The following MUC4 variants were observed in gnomAD, a reference collection of about 807,000 sequenced individuals.
The protein encoded by MUC4 is mucin 4, cell surface associated.
A neutral mutation model predicts 257.9 loss-of-function variants in MUC4; 202 were observed. The observed-to-expected ratio is 0.78, with a 90% confidence interval of 0.70 to 0.88. The LOEUF (loss-of-function observed/expected upper bound fraction) is 0.88, where lower values mean the gene tolerates loss of function less well. Among genes scored for constraint, MUC4 ranks in the 40% least tolerant of loss-of-function variants. The pLI is 0.00. For missense variants in MUC4, 5,976 were observed against 6,513.7 expected (o/e 0.92, Z 2.84); for synonymous variants, 2,351 against 2,757.1 (o/e 0.85, Z 4.62).
chr3:195,748,541 G>C (rs1437987691), intron 24 of MUC4, among the ~76,000 whole-genome samples: 1 of 152,264 alleles, frequency 6.6e-6, no homozygotes, highest in Non-Finnish European at 1.5e-5. Context: ...TCCAGCCTGG[G>C]CGACAAATGA....
At chr3:195,754,830 GTGTGTA>G (rs1717243508) in intron 18 of MUC4, among the ~76,000 whole-genome samples, 3 of 105,920 alleles carry the variant, frequency 2.8e-5, no homozygotes. Context: ...GTGTATCCAT[GTGTGTA>G]TGTATCATGT....
At position 195,755,534 on chromosome 3, in the gene MUC4, C is replaced by G. The variant is rs548513407; in HGVS notation, c.15169-1162G>C. The stretch of plus-strand genomic sequence containing the variant: ...CTCCCAAACCAAGAAGACAGAGCCT[C>G]CCTGCTGAGCACTGTGAGAAAACAC... On this transcript the variant is annotated intron_variant, in intron 18 of 24. Transcript: ENST00000463781. The surrounding 1 kb of genome is among the most constrained non-coding windows in gnomAD (Gnocchi z 5.0). 5.9e-5 allele frequency among the ~76,000 whole-genome samples: 9 copies of G among 152,232 alleles called. No homozygotes were observed. The East Asian group carries it at 1.5e-3, about 26-fold the overall frequency.
At chr3:195,762,741 A>G (rs1316561296) in intron 13 of MUC4, 114 bp downstream of exon 13, 45 of 900,944 alleles carry the variant, frequency 5.0e-5, no homozygotes, top group African/African-American at 4.4e-4. Flanking sequence ...GCCCTGCACC[A>G]CAACGCACCC....
At chr3:195,747,658 G>A (rs1427514838) in intron 24 of MUC4, among the ~76,000 whole-genome samples, 1 of 152,246 alleles carries the variant, frequency 6.6e-6, no homozygotes, top group African/African-American at 2.4e-5. Flanking sequence ...TGAGGTCAGG[G>A]GTTCGAGACC....
At chr3:195,767,604 CACCAT>C (rs1560262399) in intron 7 of MUC4, among the ~76,000 whole-genome samples, 1 of 92,316 alleles carries the variant, frequency 1.1e-5, no homozygotes, top group Admixed American at 1.0e-4. Context: ...CCACCATCAT[CACCAT>C]TGCCACCACC....
Position 195,791,296 on chromosome 3 carries a change from T to C in MUC4, c.284A>G (p.Gln95Arg), listed in dbSNP as rs893231903. ...AGAAAAAAGAGTTGATGTCATCATC[T>C]GCGTGAGGGTGTCGGTTTGAGCTTT... ...TSKAQTDTLT[Q>R]MMTSTLFSSP... The change falls in exon 2 of 25, where the codon CAG (glutamine) becomes CGG (arginine). Residue 95 changes from glutamine (Q) to arginine (R), a missense_variant. Transcript: ENST00000463781. 15 of 1,613,790 alleles carry C rather than the reference T, an allele frequency of 9.3e-6. 1 individual carries two copies. The Admixed American group carries it at 2.2e-4, about 23-fold the overall frequency.
At position 195,781,414 on chromosome 3, in the gene MUC4, T is replaced by A; in HGVS notation, c.10166A>T (p.Gln3389Leu). ...VTDISSASTG[Q>L]ATPLPVTNTS... ...GTTGGTGACAGGAAGAGGGGTGGCC[T>A]GACCTGTGGATGCCGAGGAAATGTC... Residue 3389 changes from glutamine to leucine, a missense_variant, in exon 2 of 25, where the codon CAG (glutamine) becomes CTG (leucine). Gln to Leu is a moderately radical substitution (Grantham distance 113). Coordinates refer to ENST00000463781, the MANE Select transcript of MUC4 (RefSeq NM_018406.7). 6.5e-7 allele frequency: 1 copy of A among 1,531,864 alleles called. No homozygotes were observed. The highest frequency in any genetic ancestry group is 1.2e-5 in the South Asian group (1 of 83,720). The allele number at this position is 1,531,864 out of a possible 1,614,324, so 94.9% of individuals were successfully genotyped here. A position where few individuals can be genotyped will look rare whatever the true frequency, so the allele number is the denominator to read the frequency against.
intron 7 of MUC4, among the ~76,000 whole-genome samples, chr3:195,767,634 C>T (rs1282516000): frequency 1.7e-5 from 2 of 120,968 alleles, no homozygotes; most frequent in Non-Finnish European, 3.3e-5. Flanking sequence ...CCACCATCAC[C>T]ACCACCATCG....
At chr3:195,768,882 G>T in intron 7 of MUC4, 140 bp downstream of exon 7, 2 of 1,124,080 alleles carry the variant, frequency 1.8e-6, no homozygotes, top group South Asian at 3.6e-5. Flanking sequence ...GCCCCAGCGG[G>T]AGCTGGAGTC....
chr3:195,782,410 A>G lies in MUC4; in HGVS notation c.9170T>C (p.Leu3057Pro), dbSNP rs1187478583. The G allele has an allele frequency of 2.1e-6, 3 of 1,397,946 alleles. 1 individual carries two copies. The highest frequency in any genetic ancestry group is 9.5e-7 in the Non-Finnish European group (1 of 1,055,742). 86.6% of individuals were successfully genotyped at this position (1,397,946 alleles called of 1,614,324 possible). Reference sequence around the variant, plus strand: ...TGCTGAGGAAGGGCTGGTGACATGAAGAGGGTTGGCGTGACCTGTGGATGC... The same window carrying G: ...TGCTGAGGAAGGGCTGGTGACATGAGGAGGGTTGGCGTGACCTGTGGATGC... ...SSASTGHANP[L>P]HVTSPSSAST... is the part of the protein sequence containing the mutation. Residue 3057 changes from leucine (L) to proline (P), a missense_variant, in exon 2 of 25, where the codon CTT (leucine) becomes CCT (proline). Transcript: ENST00000463781.
chr3:195,800,051 G>A (rs1280919164), intron 1 of MUC4, among the ~76,000 whole-genome samples: 2 of 152,150 alleles, frequency 1.3e-5, no homozygotes, highest in Non-Finnish European at 2.9e-5. Flanking sequence ...GTCGAAGCGG[G>A]TGGATCATTT....
At chr3:195,797,058 C>T (rs1054995076) in intron 1 of MUC4, among the ~76,000 whole-genome samples, 38 of 152,130 alleles carry the variant, frequency 2.5e-4, no homozygotes, top group Non-Finnish European at 2.9e-5. Context: ...GCCTGGCCAA[C>T]CTAGAGAAAC....
Position 195,799,229 on chromosome 3 carries a change from CTGTGTGTG to C in MUC4, c.83-7740_83-7733del, listed in dbSNP as rs56897401. ...GTGTTGCTAGTATGTATGTGTGACA[CTGTGTGTG>C]TGTGTGTGTGTGTGTGTGTGTGTGA... On this transcript the variant is annotated intron_variant, in intron 1 of 24. Transcript: ENST00000463781. Among the ~76,000 whole-genome samples, 389 of 120,182 alleles carry C rather than the reference CTGTGTGTG, an allele frequency of 3.2e-3. 2 individuals carry two copies. The highest frequency in any genetic ancestry group is 9.2e-3 in the African/African-American group (349 of 38,004). 78.8% of individuals were successfully genotyped at this position (120,182 alleles called of 152,430 possible).
At chr3:195,796,423 A>G (rs1015956799) in intron 1 of MUC4, among the ~76,000 whole-genome samples, 1 of 152,188 alleles carries the variant, frequency 6.6e-6, no homozygotes, top group African/African-American at 2.4e-5. Context: ...TTTAAAAAAT[A>G]TAATCTAGGC....
chr3:195,785,501 T>C lies in MUC4; in HGVS notation c.6079A>G (p.Thr2027Ala). ...ACAGGAAGCGGCGTGGTGTCACCAG[T>C]GGATGCTGAGGAAAGGCTGGTGACA... ...LPVTSLSSAS[T>A]GDTTPLPVTD... is the part of the protein sequence containing the mutation. The change falls in exon 2 of 25, where the codon ACT (threonine) becomes GCT (alanine). Residue 2027 changes from threonine to alanine, a missense_variant. By Grantham distance (58) the Thr-to-Ala change is moderately conservative. Transcript: ENST00000463781. 6.6e-7 allele frequency: 1 copy of C among 1,510,380 alleles called. No homozygotes were observed. Among genetic ancestry groups the C allele is most frequent in the Non-Finnish European group, 8.9e-7 (1 of 1,123,664 alleles). 93.6% of individuals were successfully genotyped at this position (1,510,380 alleles called of 1,614,324 possible). A position where few individuals can be genotyped will look rare whatever the true frequency, so the allele number is the denominator to read the frequency against.
intron 8 of MUC4, among the ~76,000 whole-genome samples, chr3:195,765,701 G>C (rs1720314717): frequency 6.6e-6 from 1 of 152,230 alleles, no homozygotes; most frequent in Non-Finnish European, 1.5e-5. Context: ...CACGTGGCTG[G>C]TTTCTAAGGC....
At chr3:195,804,327 C>G (rs1234340511) in intron 1 of MUC4, among the ~76,000 whole-genome samples, 1 of 152,252 alleles carries the variant, frequency 6.6e-6, no homozygotes. Context: ...TGGCAGTAGG[C>G]ATCGTTTTCC....
intron 19 of MUC4, 38 bp downstream of exon 19, chr3:195,754,175 C>T (rs1245758916): frequency 4.4e-6 from 7 of 1,585,072 alleles, no homozygotes; most frequent in Non-Finnish European, 6.0e-6. Context: ...ATCAGCTGCT[C>T]CCAGAAGCGC....
At chr3:195,811,630 T>C (rs1560429342) in intron 1 of MUC4, 106 bp downstream of exon 1, 5 of 867,682 alleles carry the variant, frequency 5.8e-6, no homozygotes, top group Non-Finnish European at 9.1e-6. Flanking sequence ...CTTTCCCCTA[T>C]TCTCTCTCTC....
Sources: gnomAD v4.1 joint callset for allele counts (sites outside exome capture counted in the v4.1 genomes callset) on GRCh38, gnomAD v4.1.1 for gene constraint, Gnocchi (gnomAD v3.1) non-coding constraint, MANE v1.5 for transcripts, NCBI Gene and HGNC (gene_info 2026-07-23, HGNC 2026-07-21) for gene names.